The following TXLNB variants were observed in gnomAD, a reference collection of about 807,000 sequenced individuals.
The protein encoded by TXLNB is beta-taxilin.
A neutral mutation model predicts 57.4 loss-of-function variants in TXLNB; 37 were observed. That is an observed-to-expected ratio of 0.64 (90% confidence interval 0.50 to 0.85). The LOEUF is 0.85. Ranked by LOEUF, TXLNB falls within the 40% of genes least tolerant of loss-of-function variation. The pLI is 0.00. For missense variants in TXLNB, 848 were observed against 825.6 expected (o/e 1.03, Z -0.33); for synonymous variants, 302 against 309.6 (o/e 0.98, Z 0.26).
chr6:139,242,907 G>A lies in TXLNB; in HGVS notation c.1674C>T (p.Pro558=). ...PSRDSESPLP[P]LTPQAEAEGG... is the part of the protein sequence containing the mutation. The stretch of plus-strand genomic sequence containing the variant: ...CTTCGGCTTCAGCCTGAGGAGTTAG[G>A]GGAGGCAGGGGACTCTCTGAATCCC... Residue 558 remains proline, a synonymous_variant, in exon 10 of 10, where the codon CCC becomes CCT. Transcript: ENST00000358430. The A allele has an allele frequency of 6.2e-7, 1 of 1,614,136 alleles. No homozygotes were observed.
the TXLNB span, chr6:139,166,954 C>T: frequency 6.2e-7 from 1 of 1,614,152 alleles, no homozygotes; most frequent in South Asian, 1.1e-5. Context: ...TGGCTGGGGG[C>T]CATGTGTTCA....
rs1777059353 is a variant in TXLNB, at chr6:139,281,800, G to A, written c.425-4879C>T. Among the ~76,000 whole-genome samples, 2 of 115,074 alleles carry A rather than the reference G, an allele frequency of 1.7e-5. 1 individual carries two copies. Among genetic ancestry groups the A allele is most frequent in the Non-Finnish European group, 3.3e-5 (2 of 61,002 alleles). The allele number at this position is 115,074 out of a possible 152,430, so 75.5% of individuals were successfully genotyped here. On this transcript the variant is annotated intron_variant, in intron 2 of 9. Transcript: ENST00000358430. ...CCTGACCTCGTGATCCGCCCGCCTC[G>A]GCCTCCCAAAGTGCTGGGATTCCAG...
At chr6:139,217,827 C>T in the TXLNB span, among the ~76,000 whole-genome samples, 1 of 146,404 alleles carries the variant, frequency 6.8e-6, no homozygotes, top group Non-Finnish European at 1.5e-5. Flanking sequence ...CAAGATGATG[C>T]CACTGCACTC....
chr6:139,212,007 G>A, the TXLNB span, among the ~76,000 whole-genome samples: 88 of 152,322 alleles, frequency 5.8e-4, no homozygotes, highest in African/African-American at 2.1e-3. Flanking sequence ...TCTAATTGGT[G>A]TACCTGAAAG....
At chr6:139,217,072 A>G in the TXLNB span, among the ~76,000 whole-genome samples, 1 of 152,146 alleles carries the variant, frequency 6.6e-6, no homozygotes, top group African/African-American at 2.4e-5. Flanking sequence ...TATCCTTAGA[A>G]CCGTGCAGGT....
At chr6:139,165,118 A>C in the TXLNB span, among the ~76,000 whole-genome samples, 1 of 152,214 alleles carries the variant, frequency 6.6e-6, no homozygotes, top group Non-Finnish European at 1.5e-5. Context: ...TCTATAAGGT[A>C]GCTACTACAA....
the TXLNB span, among the ~76,000 whole-genome samples, chr6:139,199,597 G>A: frequency 6.6e-6 from 1 of 152,226 alleles, no homozygotes; most frequent in East Asian, 1.9e-4. Context: ...GAGATAGGCA[G>A]AGGAGTTGGG....
At position 139,288,679 on chromosome 6, in the gene TXLNB, G is replaced by C. The variant is rs377757754; in HGVS notation, c.221C>G (p.Ala74Gly). 2.5e-6 allele frequency: 4 copies of C among 1,614,104 alleles called. No homozygotes were observed. Among genetic ancestry groups the C allele is most frequent in the Admixed American group, 1.7e-5 (1 of 60,016 alleles). ...EDIINTYGSA[A>G]STAGKEGSAR... ...AGAGCCCTCTTTCCCTGCTGTGCTG[G>C]CAGCAGACCCATAAGTGTTAATGAT... Residue 74 changes from alanine (A) to glycine (G), a missense_variant, in exon 2 of 10, where the codon GCC (alanine) becomes GGC (glycine). By Grantham distance (60) the Ala-to-Gly change is moderately conservative. Transcript: ENST00000358430.
rs201298638 is a variant in TXLNB, at chr6:139,242,571, G to C, written c.2010C>G (p.Pro670=). 1 of 1,520,890 alleles carries C rather than the reference G, an allele frequency of 6.6e-7. No individual in the cohort carries two copies. The highest frequency in any genetic ancestry group is 2.3e-5 in the East Asian group (1 of 43,606). The allele number at this position is 1,520,890 out of a possible 1,614,324, so 94.2% of individuals were successfully genotyped here. A position where few individuals can be genotyped will look rare whatever the true frequency, so the allele number is the denominator to read the frequency against. The part of the protein sequence containing the change: ...EELPVGASAG[P]QPRNVADTNL... ...TGGTGTCAGCCACGTTGCGCGGCTG[G>C]GGCCCAGCTGAGGCCCCTACTGGCA... is the stretch of plus-strand genomic sequence containing the variant. Residue 670 remains proline, a synonymous_variant, in exon 10 of 10, where the codon CCC becomes CCG. Transcript: ENST00000358430.
the TXLNB span, among the ~76,000 whole-genome samples, chr6:139,189,586 T>G: frequency 2.0e-4 from 31 of 152,314 alleles, 1 homozygote; most frequent in African/African-American, 6.7e-4. Flanking sequence ...CTGAAATAAA[T>G]GGAGTTCTCA....
In TXLNB at chr6:139,249,396, T is replaced by C. The variant is rs1390088954; in HGVS notation, c.1078-1487A>G. On this transcript the variant is annotated intron_variant, in intron 7 of 9. Coordinates refer to ENST00000358430, the MANE Select transcript of TXLNB (RefSeq NM_153235.4). ...TCCAGAATAGTCCCAAGTCTTCAAA[T>C]GGGTATAACATTTTCATACAACATA... Among the ~76,000 whole-genome samples the C allele has an allele frequency of 3.9e-5, 6 of 152,170 alleles. No individual in the cohort carries two copies. The East Asian group carries it at 1.2e-3, about 29-fold the overall frequency.
the TXLNB span, among the ~76,000 whole-genome samples, chr6:139,223,499 C>A: frequency 6.6e-6 from 1 of 152,084 alleles, no homozygotes; most frequent in Admixed American, 6.6e-5. Context: ...AATATTTGGT[C>A]TGTGAGGCAA....
Position 139,242,537 on chromosome 6 carries a change from C to T in TXLNB, c.2044G>A (p.Gly682Ser), listed in dbSNP as rs748452707. ...AGGCACGGTGAGGCTTAGTCGACGC[C>T]TTCCAGATTGGTGTCAGCCACGTTG... is the stretch of plus-strand genomic sequence containing the variant. The part of the protein sequence containing the change: ...PRNVADTNLE[G>S]VD The change falls in exon 10 of 10, where the codon GGC becomes AGC. Residue 682 changes from glycine (G) to serine (S), a missense_variant. Physicochemically the swap from Gly to Ser is moderately conservative, Grantham distance 56. Transcript: ENST00000358430. The T allele has an allele frequency of 1.0e-5, 15 of 1,502,068 alleles. No homozygotes were observed. Among genetic ancestry groups the T allele is most frequent in the East Asian group, 2.3e-5 (1 of 42,720 alleles). 93.0% of individuals were successfully genotyped at this position (1,502,068 alleles called of 1,614,324 possible).
At position 139,270,586 on chromosome 6, in the gene TXLNB, A is replaced by C; in HGVS notation, c.557T>G (p.Leu186Arg). Residue 186 changes from leucine (L) to arginine (R), a missense_variant, in exon 4 of 10, where the codon CTC (leucine) becomes CGC (arginine). Coordinates refer to ENST00000358430, the MANE Select transcript of TXLNB (RefSeq NM_153235.4). ...HRTEQKKLKLLQKKQVQIQKE... is the reference protein window; with the variant it reads ...HRTEQKKLKLRQKKQVQIQKE... ...TTGAATTTGTACCTGTTTCTTTTGGAGGAGCTTTAACTTCTTTTGCTCAGT... is the reference window on the plus strand; with the variant it reads ...TTGAATTTGTACCTGTTTCTTTTGGCGGAGCTTTAACTTCTTTTGCTCAGT... The C allele has an allele frequency of 6.2e-7, 1 of 1,614,050 alleles. No homozygotes were observed. The highest frequency in any genetic ancestry group is 8.5e-7 in the Non-Finnish European group (1 of 1,179,966).
chr6:139,306,814 C>T, the TXLNB span, among the ~76,000 whole-genome samples: 5 of 152,174 alleles, frequency 3.3e-5, no homozygotes, highest in African/African-American at 1.2e-4. Context: ...TCTACAGCAG[C>T]CAACAGCCAT....
chr6:139,322,666 G>A, the TXLNB span, among the ~76,000 whole-genome samples: 3 of 152,246 alleles, frequency 2.0e-5, no homozygotes, highest in Non-Finnish European at 4.4e-5. Context: ...TCAATACGGT[G>A]CAGAGTTCAA....
In TXLNB at chr6:139,259,102, A is replaced by G. The variant is rs556169370; in HGVS notation, c.1002+1216T>C. Among the ~76,000 whole-genome samples the G allele has an allele frequency of 8.0e-4, 121 of 151,272 alleles. 1 individual carries two copies. Among genetic ancestry groups the G allele is most frequent in the South Asian group, 2.3e-3 (11 of 4,756 alleles). On this transcript the variant is annotated intron_variant, in intron 6 of 9. Coordinates refer to ENST00000358430, the MANE Select transcript of TXLNB (RefSeq NM_153235.4). The stretch of plus-strand genomic sequence containing the variant: ...TTGAAAACAACTTTCATCCATCTCC[A>G]CCCCTCTTCTCTGCTGCCATATCCC...
At chr6:139,166,719 G>T in the TXLNB span, 1 of 1,611,686 alleles carries the variant, frequency 6.2e-7, no homozygotes, top group South Asian at 1.1e-5. Context: ...AAAGGCCCAA[G>T]CCACGACCTC....
the TXLNB span, among the ~76,000 whole-genome samples, chr6:139,208,993 T>C: frequency 1.3e-5 from 2 of 152,110 alleles, no homozygotes; most frequent in East Asian, 3.9e-4. Flanking sequence ...AAAGAGGAAG[T>C]CAAAATGTAG....
Sources: gnomAD v4.1 joint callset for allele counts (sites outside exome capture counted in the v4.1 genomes callset) on GRCh38, gnomAD v4.1.1 for gene constraint, MANE v1.5 for transcripts, NCBI Gene and HGNC (gene_info 2026-07-23, HGNC 2026-07-21) for gene names.